The following CUX2 variants were observed in gnomAD, a reference collection of about 807,000 sequenced individuals.
The protein encoded by CUX2 is homeobox protein cut-like 2.
In CUX2, 40 loss-of-function variants were observed where a neutral mutation model predicts 144.8. The observed-to-expected ratio is 0.28, with a 90% CI of 0.21 to 0.36. CUX2 has a LOEUF of 0.36. Among genes scored for constraint, CUX2 ranks in the 10% least tolerant of loss-of-function variants. The pLI is 1.00. For missense variants in CUX2, 1,615 were observed against 1,994.0 expected, an observed-to-expected ratio of 0.81 and a Z score of 3.62; for synonymous variants, 827 against 875.6, an observed-to-expected ratio of 0.94 and a Z score of 0.98.
At chr12:111,051,511 G>A (rs77923033) in intron 1 of CUX2, among the ~76,000 whole-genome samples, 2 of 147,418 alleles carry the variant, frequency 1.4e-5, no homozygotes, top group Non-Finnish European at 3.0e-5. Context: ...TTTTTGTTTT[G>A]TTTTAGAGTC....
chr12:111,123,534 G>A (rs1388558869), intron 1 of CUX2, among the ~76,000 whole-genome samples: 1 of 149,608 alleles, frequency 6.7e-6, no homozygotes, highest in Non-Finnish European at 1.5e-5. Context: ...CTATACATTA[G>A]CTCACTTAAT....
chr12:111,093,028 C>T (rs1872631197), intron 1 of CUX2, among the ~76,000 whole-genome samples: 1 of 152,022 alleles, frequency 6.6e-6, no homozygotes, highest in Non-Finnish European at 1.5e-5. Flanking sequence ...ATTGCCCAGG[C>T]TGGTCTCGAA....
intron 1 of CUX2, among the ~76,000 whole-genome samples, chr12:111,118,596 A>G (rs1874437461): frequency 6.6e-6 from 1 of 152,114 alleles, no homozygotes; most frequent in South Asian, 2.1e-4. Flanking sequence ...ATCAGCCTCA[A>G]TCCAGGACCA....
chr12:111,097,869 G>A (rs1179806841), intron 1 of CUX2, among the ~76,000 whole-genome samples: 1 of 152,218 alleles, frequency 6.6e-6, no homozygotes, highest in Non-Finnish European at 1.5e-5. Context: ...GAGTCGTTTT[G>A]CTGGGTTAGA....
chr12:111,348,004 T>C lies in CUX2; in HGVS notation c.4140T>C (p.Phe1380=). The change falls in exon 22 of 22, where the codon TTT becomes TTC. Residue 1380 remains phenylalanine (F), a synonymous_variant. Coordinates refer to ENST00000261726, the MANE Select transcript of CUX2 (RefSeq NM_015267.4). ...GERLHPDPLS[F]KSASESSRCS... ...GACTTCACCCGGACCCTTTAAGTTTTAAGTCAGCCTCAGAGTCCTCACGCT... is the reference window on the plus strand; with the variant it reads ...GACTTCACCCGGACCCTTTAAGTTTCAAGTCAGCCTCAGAGTCCTCACGCT... 3.1e-6 allele frequency: 5 copies of C among 1,614,108 alleles called. No homozygotes were observed. Among genetic ancestry groups the C allele is most frequent in the Non-Finnish European group, 4.2e-6 (5 of 1,180,024 alleles).
rs543271877 is a variant in CUX2 at position 111,102,921 on chromosome 12, G to T, written c.63+68681G>T. Among the ~76,000 whole-genome samples, 5 of 152,260 alleles carry T rather than the reference G, an allele frequency of 3.3e-5. No individual in the cohort carries two copies. The East Asian group carries it at 9.6e-4, about 29-fold the overall frequency. On this transcript the variant is annotated intron_variant, in intron 1 of 21. Transcript: ENST00000261726. ...TTACTATCTTATCTTTTTGCAAGGT[G>T]ATATTCCTTACCAGTTTAATGATAC...
rs144982814 is a variant in CUX2, at chr12:111,103,981, C to CA, written c.63+69743dup. Among the ~76,000 whole-genome samples the CA allele has an allele frequency of 2.2e-3, 340 of 152,324 alleles. 3 individuals are homozygous for CA. Among genetic ancestry groups the CA allele is most frequent in the African/African-American group, 7.7e-3 (320 of 41,572 alleles). On this transcript the variant is annotated intron_variant, in intron 1 of 21. Coordinates refer to ENST00000261726, the MANE Select transcript of CUX2 (RefSeq NM_015267.4). ...GTCCTGGGATTCCCCCTGATTGGAC[C>CA]AACTTGGATCCATGCATTTGCCCAA...
intron 3 of CUX2, among the ~76,000 whole-genome samples, chr12:111,229,163 G>A (rs1427541949): frequency 6.6e-6 from 1 of 152,168 alleles, no homozygotes; most frequent in East Asian, 1.9e-4. Flanking sequence ...ACTAATTGTG[G>A]AGGTGCCGAA....
intron 3 of CUX2, among the ~76,000 whole-genome samples, chr12:111,229,689 C>G (rs1882361653): frequency 6.6e-6 from 1 of 151,952 alleles, no homozygotes. Context: ...ATTGTTTGAG[C>G]TCAGGAGGTC....
At chr12:111,288,189 G>A (rs1178945919) in intron 4 of CUX2, among the ~76,000 whole-genome samples, 2 of 152,098 alleles carry the variant, frequency 1.3e-5, no homozygotes, top group African/African-American at 4.8e-5. Context: ...TCAGGGGAGG[G>A]TGTTCCTGGC....
At chr12:111,299,482 C>T (rs373721218) in intron 9 of CUX2, among the ~76,000 whole-genome samples, 1 of 152,106 alleles carries the variant, frequency 6.6e-6, no homozygotes. Context: ...TGGGAAGCCA[C>T]CAGAAGGTGC....
Position 111,044,378 on chromosome 12 carries a change from G to A in CUX2, c.63+10138G>A, listed in dbSNP as rs560219634. On this transcript the variant is annotated intron_variant, in intron 1 of 21. Transcript: ENST00000261726. ...GATCCCCTCATCCTATCCCCCTCCC[G>A]TCCCCTGTCATTCTCCCCCTCTTTA... Among the ~76,000 whole-genome samples, 18 of 147,946 alleles carry A rather than the reference G, an allele frequency of 1.2e-4. No homozygotes were observed. In the South Asian group the frequency reaches 2.2e-3, roughly 18 times the overall value.
chr12:111,320,394 G>C lies in CUX2; in HGVS notation c.2385G>C (p.Leu795=), dbSNP rs767898345. 7.5e-6 allele frequency: 12 copies of C among 1,597,882 alleles called. No homozygotes were observed. In the South Asian group the frequency reaches 1.2e-4, roughly 16 times the overall value. ...ACCACTGGGCCTCCGACCGCGGCCT[G>C]CTCAGCCGCCCCTACGCCTCCGTGT... ...FDHHWASDRG[L]LSRPYASVSP... is the part of the protein sequence containing the mutation. The change falls in exon 17 of 22, where the codon CTG becomes CTC. Residue 795 remains leucine (L), a synonymous_variant. Transcript: ENST00000261726. This position sits in a 1 kb window ranked among gnomAD's most constrained non-coding sequence, Gnocchi z 8.1.
At chr12:111,044,881 G>A (rs190650972) in intron 1 of CUX2, among the ~76,000 whole-genome samples, 1 of 152,312 alleles carries the variant, frequency 6.6e-6, no homozygotes, top group Admixed American at 6.5e-5. Context: ...TGGCGAATGA[G>A]GGTTTGTTTA....
In CUX2 at chr12:111,320,391, C is replaced by T. The variant is rs912015683; in HGVS notation, c.2382C>T (p.Gly794=). The part of the protein sequence containing the change: ...YFDHHWASDR[G]LLSRPYASVS... ...ACCACCACTGGGCCTCCGACCGCGG[C>T]CTGCTCAGCCGCCCCTACGCCTCCG... Residue 794 remains glycine (G), a synonymous_variant, in exon 17 of 22, where the codon GGC becomes GGT. Transcript: ENST00000261726. This position sits in a 1 kb window ranked among gnomAD's most constrained non-coding sequence, Gnocchi z 8.1. 2.5e-6 allele frequency: 4 copies of T among 1,597,878 alleles called. No individual in the cohort carries two copies. The highest frequency in any genetic ancestry group is 2.7e-5 in the African/African-American group (2 of 74,872).
intron 4 of CUX2, among the ~76,000 whole-genome samples, chr12:111,284,200 A>T (rs1885263722): frequency 6.6e-6 from 1 of 152,152 alleles, no homozygotes; most frequent in Non-Finnish European, 1.5e-5. Context: ...CCTCCATGGG[A>T]TCCTGCCTCT....
rs553893360 is a variant in CUX2 at position 111,225,371 on chromosome 12, C to T, written c.222+7434C>T. ...AGGTGACTGAGGCTCAGCCCGCAGCCCCTGATGGTGAGTGGGAACTCGGGC... is the reference window on the plus strand; with the variant it reads ...AGGTGACTGAGGCTCAGCCCGCAGCTCCTGATGGTGAGTGGGAACTCGGGC... On this transcript the variant is annotated intron_variant, in intron 3 of 21. Coordinates refer to ENST00000261726, the MANE Select transcript of CUX2 (RefSeq NM_015267.4). Among the ~76,000 whole-genome samples the T allele has an allele frequency of 4.9e-4, 75 of 152,300 alleles. 1 individual carries two copies. The highest frequency in any genetic ancestry group is 9.1e-4 in the Non-Finnish European group (62 of 68,034).
At chr12:111,314,532 T>C (rs1565912485) in intron 16 of CUX2, among the ~76,000 whole-genome samples, 1 of 151,620 alleles carries the variant, frequency 6.6e-6, no homozygotes, top group African/African-American at 2.4e-5. Context: ...TCCCAGCTAT[T>C]TGGAGGCTGA....
intron 1 of CUX2, among the ~76,000 whole-genome samples, chr12:111,051,361 A>G (rs1428406704): frequency 4.0e-5 from 6 of 151,850 alleles, no homozygotes; most frequent in African/African-American, 1.2e-4. Flanking sequence ...TAAATTGTCT[A>G]TTTCTCCATT....
Sources: gnomAD v4.1 joint callset for allele counts (sites outside exome capture counted in the v4.1 genomes callset) on GRCh38, gnomAD v4.1.1 for gene constraint, Gnocchi (gnomAD v3.1) non-coding constraint, MANE v1.5 for transcripts, NCBI Gene and HGNC (gene_info 2026-07-23, HGNC 2026-07-21) for gene names.